The following FAM135A variants were observed in gnomAD, a reference collection of about 807,000 sequenced individuals.
FAM135A encodes protein FAM135A.
A neutral mutation model predicts 146.8 loss-of-function variants in FAM135A; 79 were observed. The ratio of observed to expected loss-of-function variants is 0.54; its 90% CI spans 0.45 to 0.65. The LOEUF is 0.65. Ranked by LOEUF, FAM135A falls within the 30% of genes least tolerant of loss-of-function variation. The pLI is 0.00. For synonymous variants in FAM135A, 562 were observed against 603.6 expected, an observed-to-expected ratio of 0.93 and a Z score of 1.01; for missense variants, 1,623 against 1,758.2, an observed-to-expected ratio of 0.92 and a Z score of 1.38.
rs2128289167 is a variant in FAM135A at position 70,510,101 on chromosome 6, A to AAATACTGTAG, written c.1029+7313_1029+7322dup. 1.3e-5 allele frequency among the ~76,000 whole-genome samples: 2 copies of AAATACTGTAG among 152,230 alleles called. 1 individual carries two copies. Among genetic ancestry groups the AAATACTGTAG allele is most frequent in the East Asian group, 3.9e-4 (2 of 5,186 alleles). On this transcript the variant is annotated intron_variant, in intron 12 of 21. Coordinates refer to ENST00000418814, the MANE Select transcript of FAM135A (RefSeq NM_001162529.3). ...GCATTCACTGGAATTAATCATAAAA[A>AAATACTGTAG]AATACTGTAGAACACTAAGTATGCT...
At chr6:70,489,128 A>T (rs969152035) in intron 10 of FAM135A, among the ~76,000 whole-genome samples, 1 of 152,176 alleles carries the variant, frequency 6.6e-6, no homozygotes, top group Non-Finnish European at 1.5e-5. Context: ...TAATTTTTAA[A>T]AATCAGAGGT....
At chr6:70,440,158 A>G (rs993439082) in intron 4 of FAM135A, among the ~76,000 whole-genome samples, 5 of 152,240 alleles carry the variant, frequency 3.3e-5, no homozygotes, top group Admixed American at 2.6e-4. Context: ...GGTTTAATCT[A>G]AAGGATTGAT....
intron 5 of FAM135A, among the ~76,000 whole-genome samples, chr6:70,453,882 C>T (rs1226541629): frequency 6.6e-6 from 1 of 152,140 alleles, no homozygotes; most frequent in Non-Finnish European, 1.5e-5. Flanking sequence ...CATACGTGTG[C>T]ATGTGTCTTT....
intron 11 of FAM135A, among the ~76,000 whole-genome samples, chr6:70,497,769 A>G (rs779441948): frequency 1.3e-5 from 2 of 149,994 alleles, no homozygotes; most frequent in Non-Finnish European, 3.0e-5. Flanking sequence ...TGGCTTATGG[A>G]TTACATTTAT....
chr6:70,455,632 T>C (rs540984992), intron 5 of FAM135A, among the ~76,000 whole-genome samples: 3 of 152,268 alleles, frequency 2.0e-5, no homozygotes, highest in Non-Finnish European at 4.4e-5. Flanking sequence ...TGAACATCCT[T>C]GAATCTAGTA....
intron 8 of FAM135A, 98 bp downstream of exon 8, chr6:70,477,430 GT>G: frequency 7.8e-7 from 1 of 1,285,356 alleles, no homozygotes; most frequent in East Asian, 2.5e-5. Flanking sequence ...GTTTAATTGG[GT>G]CATGGTTCTT....
intron 5 of FAM135A, among the ~76,000 whole-genome samples, chr6:70,462,574 G>A (rs1343650465): frequency 6.6e-6 from 1 of 151,652 alleles, no homozygotes; most frequent in Admixed American, 6.6e-5. Context: ...TTTGATAGAA[G>A]CTTTACAACT....
intron 5 of FAM135A, 138 bp from the exon 6 acceptor site, chr6:70,475,272 T>C: frequency 3.3e-6 from 2 of 614,946 alleles, no homozygotes; most frequent in Non-Finnish European, 5.2e-6. Flanking sequence ...CTTTCAGAAA[T>C]GTTCCAATAC....
At chr6:70,439,249 A>G (rs1054024821) in intron 4 of FAM135A, among the ~76,000 whole-genome samples, 3 of 152,206 alleles carry the variant, frequency 2.0e-5, no homozygotes, top group Admixed American at 1.3e-4. Flanking sequence ...AGTCAGGTTC[A>G]GTACTATCTG....
At chr6:70,471,969 C>T (rs1781708899) in intron 5 of FAM135A, among the ~76,000 whole-genome samples, 1 of 152,038 alleles carries the variant, frequency 6.6e-6, no homozygotes. Flanking sequence ...GAAATAAAGC[C>T]TTCAAGAAAT....
intron 2 of FAM135A, among the ~76,000 whole-genome samples, chr6:70,416,289 AC>A (rs1767555687): frequency 6.6e-6 from 1 of 152,232 alleles, no homozygotes; most frequent in Non-Finnish European, 1.5e-5. Flanking sequence ...AGTTTGTAAA[AC>A]AGATATTCCT....
At chr6:70,439,174 G>T (rs1380659146) in intron 4 of FAM135A, among the ~76,000 whole-genome samples, 2 of 151,990 alleles carry the variant, frequency 1.3e-5, no homozygotes, top group Non-Finnish European at 2.9e-5. Context: ...AAAAAAAATT[G>T]ATGGAAAAGC....
intron 11 of FAM135A, among the ~76,000 whole-genome samples, chr6:70,493,452 A>G (rs1312965944): frequency 6.6e-6 from 1 of 152,176 alleles, no homozygotes; most frequent in East Asian, 1.9e-4. Flanking sequence ...TTTTTTAGAT[A>G]TACATATTTA....
At chr6:70,493,014 T>G (rs1786376933) in intron 11 of FAM135A, among the ~76,000 whole-genome samples, 1 of 152,072 alleles carries the variant, frequency 6.6e-6, no homozygotes, top group East Asian at 1.9e-4. Context: ...TACTCATAAA[T>G]GTACACAAAT....
intron 16 of FAM135A, among the ~76,000 whole-genome samples, chr6:70,530,057 A>G (rs1795510451): frequency 6.7e-6 from 1 of 148,800 alleles, no homozygotes; most frequent in Non-Finnish European, 1.5e-5. Flanking sequence ...GACTAAGACT[A>G]CGTCTCAAAA....
intron 3 of FAM135A, chr6:70,426,771 AG>A (rs1208389204): frequency 6.6e-6 from 1 of 152,180 alleles, no homozygotes; most frequent in Non-Finnish European, 1.5e-5. Flanking sequence ...GTATGTGAGT[AG>A]TTTGTGTTAC....
At chr6:70,535,801 GT>G in intron 18 of FAM135A, 1 of 152,550 alleles carries the variant, frequency 6.6e-6, no homozygotes, top group East Asian at 1.9e-4. Flanking sequence ...GTCAAAAACT[GT>G]CCATCTTTGA....
intron 4 of FAM135A, among the ~76,000 whole-genome samples, chr6:70,431,526 G>A (rs2127801672): frequency 6.6e-6 from 1 of 152,158 alleles, no homozygotes; most frequent in East Asian, 1.9e-4. Context: ...ATGATGCACT[G>A]TTACACCTCC....
At chr6:70,438,926 G>A (rs1368582670) in intron 4 of FAM135A, among the ~76,000 whole-genome samples, 1 of 152,186 alleles carries the variant, frequency 6.6e-6, no homozygotes, top group African/African-American at 2.4e-5. Context: ...GGAAGCTGAG[G>A]TGGGAGGATC....
Sources: allele counts gnomAD v4.1 joint callset (sites outside exome capture counted in the v4.1 genomes callset), GRCh38; gene constraint gnomAD v4.1.1; transcripts MANE v1.5; gene names NCBI Gene and HGNC (gene_info 2026-07-23, HGNC 2026-07-21).